HSPA4L: variants seen among roughly 807,000 people sequenced by gnomAD.
HSPA4L encodes heat shock protein family A (Hsp70) member 4 like.
HSPA4L carries 48 observed loss-of-function variants against 100.3 expected under a neutral mutation model. The observed-to-expected ratio is 0.48, with a 90% CI of 0.38 to 0.61. The LOEUF (loss-of-function observed/expected upper bound fraction) is 0.61, where lower values mean the gene tolerates loss of function less well. Among genes scored for constraint, HSPA4L ranks in the 20% least tolerant of loss-of-function variants. The pLI, the probability that HSPA4L is intolerant of heterozygous loss-of-function variation, is 0.00. For missense variants in HSPA4L, 886 were observed against 988.6 expected, an observed-to-expected ratio of 0.90 and a Z score of 1.39; for synonymous variants, 319 against 328.2, an observed-to-expected ratio of 0.97 and a Z score of 0.30.
At chr4:127,782,311 G>A (rs111362781), upstream of HSPA4L, 8 of 502,308 alleles carry the variant, frequency 1.6e-5, no homozygotes, top group African/African-American at 8.2e-5. Flanking sequence ...GGTTGGAGGC[G>A]GCCGAACCGC....
chr4:127,815,704 G>A (rs1264851696), intron 12 of HSPA4L, among the ~76,000 whole-genome samples: 1 of 152,086 alleles, frequency 6.6e-6, no homozygotes, highest in Admixed American at 6.6e-5. Context: ...TAGGGATACA[G>A]TGATTAAACA....
Position 127,808,159 on chromosome 4 carries a change from T to G in HSPA4L, c.1378+30T>G, listed in dbSNP as rs112080444. 7 of 1,565,722 alleles carry G rather than the reference T, an allele frequency of 4.5e-6. No homozygotes were observed. In the African/African-American group the frequency reaches 6.9e-5, roughly 15 times the overall value. ...GATAAAAAAAAGTTCTCCATAACAT[T>G]TTGGCCTTTTATAAATAATGTGTTA... On this transcript the variant is annotated intron_variant, in intron 11 of 18. Transcript: ENST00000296464.
chr4:127,801,231 A>G lies in HSPA4L; in HGVS notation c.523A>G (p.Thr175Ala), dbSNP rs762324471. ...TTGTTTAAGGTTGATGAATGAAACTACTGCAGGTGAGCACTTTGCAATTTG... is the reference window on the plus strand; with the variant it reads ...TTGTTTAAGGTTGATGAATGAAACTGCTGCAGGTGAGCACTTTGCAATTTG... ...LNCLRLMNETTAVALAYGIYK... is the reference protein window; with the variant it reads ...LNCLRLMNETAAVALAYGIYK... The change falls in exon 5 of 19, where the codon ACT (threonine) becomes GCT (alanine). Residue 175 changes from threonine to alanine, a missense_variant. Thr to Ala is a moderately conservative substitution (Grantham distance 58). Transcript: ENST00000296464. 6.2e-7 allele frequency: 1 copy of G among 1,606,608 alleles called. No homozygotes were observed. Among genetic ancestry groups the G allele is most frequent in the Non-Finnish European group, 8.5e-7 (1 of 1,175,508 alleles).
At chr4:127,802,505 C>A (rs1007980105) in intron 6 of HSPA4L, among the ~76,000 whole-genome samples, 7 of 152,020 alleles carry the variant, frequency 4.6e-5, no homozygotes, top group African/African-American at 1.2e-4. Flanking sequence ...TCTTTGTAAT[C>A]AAAAAATTAA....
chr4:127,785,429 C>G lies in HSPA4L; in HGVS notation c.107+2772C>G, dbSNP rs371807533. On this transcript the variant is annotated intron_variant, in intron 1 of 18. Transcript: ENST00000296464. The stretch of plus-strand genomic sequence containing the variant: ...AAGTATTTACTTTATGTTTAGTAAC[C>G]TTTTTCTTTTTTTCTTTTTTTTTTT... Among the ~76,000 whole-genome samples, 13 of 151,582 alleles carry G rather than the reference C, an allele frequency of 8.6e-5. No individual in the cohort carries two copies. The East Asian group carries it at 9.6e-4, about 11-fold the overall frequency.
chr4:127,803,497 G>A (rs532824812), intron 6 of HSPA4L, 132 bp from the exon 7 acceptor site: 2 of 731,474 alleles, frequency 2.7e-6, no homozygotes, highest in African/African-American at 1.8e-5. Context: ...TCCAAATTCA[G>A]CACCCCTGTG....
rs187106837 is a variant in HSPA4L, at chr4:127,782,449, G to C, written c.-102G>C. The C allele has an allele frequency of 1.1e-6, 1 of 926,658 alleles. No homozygotes were observed. The highest frequency in any genetic ancestry group is 1.7e-6 in the Non-Finnish European group (1 of 576,044). The allele number at this position is 926,658 out of a possible 1,614,324, so 57.4% of individuals were successfully genotyped here. ...AGCGACTTGGGGTCCCCTCTCGTTT[G>C]CTTCTGGTAGGAGTCGCAATCCCAG... On this transcript the variant is annotated 5_prime_UTR_variant, in exon 1 of 19. Coordinates refer to ENST00000296464, the MANE Select transcript of HSPA4L (RefSeq NM_014278.4).
intron 6 of HSPA4L, among the ~76,000 whole-genome samples, chr4:127,803,154 GT>G (rs2148785327): frequency 6.6e-6 from 1 of 151,940 alleles, no homozygotes; most frequent in Admixed American, 6.6e-5. Context: ...TTTTGTTTCT[GT>G]TTTTTTGTAA....
intron 1 of HSPA4L, among the ~76,000 whole-genome samples, chr4:127,792,502 T>C (rs1265321753): frequency 6.6e-6 from 1 of 152,236 alleles, no homozygotes; most frequent in Admixed American, 6.5e-5. Flanking sequence ...TCTGTATATC[T>C]GCTAGCCACA....
At chr4:127,798,823 A>G in intron 4 of HSPA4L, 114 bp downstream of exon 4, 1 of 948,354 alleles carries the variant, frequency 1.1e-6, no homozygotes, top group Admixed American at 2.9e-5. Context: ...TAAATAACCT[A>G]AATCCATCTG....
chr4:127,789,572 C>T (rs185652880), intron 1 of HSPA4L, among the ~76,000 whole-genome samples: 23 of 151,702 alleles, frequency 1.5e-4, no homozygotes, highest in African/African-American at 5.3e-4. Flanking sequence ...GGCGTGAACC[C>T]GGGAGGTGGA....
Position 127,835,570 on chromosome 4 carries a change from G to C in HSPA4L, c.*2696G>C, listed in dbSNP as rs1734184614. 1.3e-5 allele frequency: 2 copies of C among 151,960 alleles called. No individual in the cohort carries two copies. The highest frequency in any genetic ancestry group is 4.8e-5 in the African/African-American group (2 of 41,346). The allele number at this position is 151,960 out of a possible 1,614,324, so 9.4% of individuals were successfully genotyped here. A position where few individuals can be genotyped will look rare whatever the true frequency, so the allele number is the denominator to read the frequency against. ...TACAAAAAAGTAGCCGGGCGTGGTGGCATGTCCCTGTAATCTCAGCTACCC... is the reference window on the plus strand; with the variant it reads ...TACAAAAAAGTAGCCGGGCGTGGTGCCATGTCCCTGTAATCTCAGCTACCC... On this transcript the variant is annotated 3_prime_UTR_variant, in exon 19 of 19. Coordinates refer to ENST00000296464, the MANE Select transcript of HSPA4L (RefSeq NM_014278.4).
chr4:127,786,050 T>C (rs1732707610), intron 1 of HSPA4L, among the ~76,000 whole-genome samples: 1 of 152,186 alleles, frequency 6.6e-6, no homozygotes, highest in Admixed American at 6.5e-5. Flanking sequence ...GGGAAAAAAA[T>C]GATAGCCAAG....
chr4:127,814,308 A>G (rs1733616463), intron 12 of HSPA4L, among the ~76,000 whole-genome samples: 1 of 152,164 alleles, frequency 6.6e-6, no homozygotes, highest in Non-Finnish European at 1.5e-5. Context: ...GTTCCTTAAT[A>G]TTTCTTTTAC....
At chr4:127,791,969 C>A (rs1732890207) in intron 1 of HSPA4L, among the ~76,000 whole-genome samples, 1 of 152,178 alleles carries the variant, frequency 6.6e-6, no homozygotes, top group Non-Finnish European at 1.5e-5. Context: ...GTGTGCCAGG[C>A]ATATAGTAAT....
rs1578682250 is a variant in HSPA4L at position 127,782,650 on chromosome 4, T to G, written c.100T>G (p.Cys34Gly). 1 of 1,610,510 alleles carries G rather than the reference T, an allele frequency of 6.2e-7. No homozygotes were observed. Among genetic ancestry groups the G allele is most frequent in the Non-Finnish European group, 8.5e-7 (1 of 1,177,944 alleles). The change falls in exon 1 of 19, where the codon TGT (cysteine) becomes GGT (glycine). Residue 34 changes from cysteine (C) to glycine (G), a missense_variant. Physicochemically the swap from Cys to Gly is radical, Grantham distance 159 (BLOSUM62 -3). Transcript: ENST00000296464. ...CATCGCCAATGAGTACAGCGACAGG[T>G]GTACCCCGTAAGTGCCTCTGCTGAG... Reference protein sequence around the residue: ...ETIANEYSDRCTPACISLGSR... With the variant: ...ETIANEYSDRGTPACISLGSR...
chr4:127,796,647 T>C (rs1018356158), intron 3 of HSPA4L, among the ~76,000 whole-genome samples: 5 of 152,148 alleles, frequency 3.3e-5, no homozygotes, highest in African/African-American at 1.2e-4. Flanking sequence ...TAAAAAGGAA[T>C]GGAGTACTGG....
At chr4:127,805,641 T>G in intron 9 of HSPA4L, 46 bp from the exon 10 acceptor site, 3 of 1,346,182 alleles carry the variant, frequency 2.2e-6, no homozygotes, top group Non-Finnish European at 3.2e-6. Flanking sequence ...ACCTAGGGTA[T>G]GTTTTGTATT....
intron 1 of HSPA4L, among the ~76,000 whole-genome samples, chr4:127,787,162 T>C (rs2148774567): frequency 6.6e-6 from 1 of 152,332 alleles, no homozygotes; most frequent in Admixed American, 6.5e-5. Context: ...TTAAACACTG[T>C]TTCAGATGAG....
Sources: allele counts gnomAD v4.1 joint callset (sites outside exome capture counted in the v4.1 genomes callset), GRCh38; gene constraint gnomAD v4.1.1; transcripts MANE v1.5; gene names NCBI Gene and HGNC (gene_info 2026-07-23, HGNC 2026-07-21).